The following FAM227B variants were observed in gnomAD, a reference collection of about 807,000 sequenced individuals.
The protein encoded by FAM227B is family with sequence similarity 227 member B, also known as protein FAM227B.
A neutral mutation model predicts 73.8 loss-of-function variants in FAM227B; 88 were observed. That is an observed-to-expected ratio of 1.19 (90% confidence interval 1.00 to 1.42). The LOEUF is 1.42. Among genes scored for constraint, FAM227B ranks in the 40% most tolerant of loss-of-function variants. The probability of loss-of-function intolerance (pLI) is 0.00; values close to 1 mark genes in which losing one functional copy is unlikely to be tolerated. For missense variants in FAM227B, 632 were observed against 590.9 expected, an observed-to-expected ratio of 1.07 and a Z score of -0.72; for synonymous variants, 210 against 190.5, an observed-to-expected ratio of 1.10 and a Z score of -0.84.
At chr15:49,341,295 C>T (rs1351691219) in intron 13 of FAM227B, among the ~76,000 whole-genome samples, 1 of 152,080 alleles carries the variant, frequency 6.6e-6, no homozygotes, top group Admixed American at 6.5e-5. Flanking sequence ...TGAAAAATTA[C>T]ATTGGTAATT....
intron 9 of FAM227B, among the ~76,000 whole-genome samples, chr15:49,567,408 C>T (rs2152348668): frequency 6.6e-6 from 1 of 152,136 alleles, no homozygotes; most frequent in South Asian, 2.1e-4. Flanking sequence ...GGACATGAAG[C>T]CAAGTATCCT....
intron 11 of FAM227B, among the ~76,000 whole-genome samples, chr15:49,503,092 A>G (rs903596777): frequency 6.6e-6 from 1 of 152,236 alleles, no homozygotes; most frequent in African/African-American, 2.4e-5. Context: ...GATCAATGGA[A>G]CAGAACAGAG....
At chr15:49,372,325 A>C (rs1311356800) in intron 11 of FAM227B, among the ~76,000 whole-genome samples, 1 of 152,166 alleles carries the variant, frequency 6.6e-6, no homozygotes, top group Non-Finnish European at 1.5e-5. Context: ...CTCGCAAACC[A>C]TTCAGTGAGC....
At chr15:49,577,554 T>C in intron 6 of FAM227B, 75 bp downstream of exon 6, 2 of 889,392 alleles carry the variant, frequency 2.2e-6, no homozygotes, top group Non-Finnish European at 3.5e-6. Context: ...GCCTTGTTTA[T>C]ATTGTTGTAA....
chr15:49,593,348 ATT>A (rs1433728487), intron 3 of FAM227B, among the ~76,000 whole-genome samples: 3 of 151,960 alleles, frequency 2.0e-5, no homozygotes, highest in African/African-American at 4.8e-5. Context: ...TTTCATCAAT[ATT>A]TTACAGTTTT....
intron 10 of FAM227B, among the ~76,000 whole-genome samples, chr15:49,539,799 G>C (rs1348147450): frequency 6.6e-6 from 1 of 152,198 alleles, no homozygotes; most frequent in African/African-American, 2.4e-5. Flanking sequence ...GGTGTTTATG[G>C]AGTGGCTGTA....
intron 9 of FAM227B, among the ~76,000 whole-genome samples, chr15:49,565,715 A>G (rs1388439557): frequency 6.6e-6 from 1 of 152,204 alleles, no homozygotes; most frequent in African/African-American, 2.4e-5. Context: ...GCAAAAGCAT[A>G]TTGCAAATGT....
intron 11 of FAM227B, among the ~76,000 whole-genome samples, chr15:49,468,823 AGGTTTGTCTTCC>A (rs1422190957): frequency 4.6e-5 from 7 of 152,170 alleles, no homozygotes; most frequent in African/African-American, 1.7e-4. Flanking sequence ...CTGACAAAAG[AGGTTTGTCTTCC>A]GTGTTAAGCA....
At chr15:49,386,744 T>C (rs990351090) in intron 11 of FAM227B, among the ~76,000 whole-genome samples, 11 of 151,766 alleles carry the variant, frequency 7.2e-5, no homozygotes, top group Admixed American at 1.3e-4. Context: ...ACAAAACTGA[T>C]AGACCATTAG....
Position 49,329,334 on chromosome 15 carries a change from A to C in FAM227B, c.1420-659T>G, listed in dbSNP as rs116742387. 1,095 of 985,412 alleles carry C rather than the reference A, an allele frequency of 1.1e-3. 14 individuals carry two copies. The African/African-American group carries it at 0.018, about 16-fold the overall frequency. 61.0% of individuals were successfully genotyped at this position (985,412 alleles called of 1,614,324 possible). A position where few individuals can be genotyped will look rare whatever the true frequency, so the allele number is the denominator to read the frequency against. On this transcript the variant is annotated intron_variant, in intron 15 of 15. Transcript: ENST00000299338. ...ATAGGAAGCACTTTCTGAATTATGT[A>C]ATGATTTGGACCAAAAAGTATTTTG...
intron 11 of FAM227B, among the ~76,000 whole-genome samples, chr15:49,460,972 G>A (rs2053740254): frequency 6.6e-6 from 1 of 152,146 alleles, no homozygotes; most frequent in Non-Finnish European, 1.5e-5. Context: ...TTGATAGCTG[G>A]CATCCATGTA....
intron 11 of FAM227B, among the ~76,000 whole-genome samples, chr15:49,379,083 A>T (rs1187684456): frequency 6.6e-6 from 1 of 152,164 alleles, no homozygotes; most frequent in African/African-American, 2.4e-5. Context: ...TTTTGTTGAT[A>T]TGATGTATTA....
intron 11 of FAM227B, among the ~76,000 whole-genome samples, chr15:49,478,406 A>G (rs2055567354): frequency 6.6e-6 from 1 of 151,704 alleles, no homozygotes; most frequent in African/African-American, 2.4e-5. Context: ...TTTTTTGCAT[A>G]TATGTATATG....
At chr15:49,453,862 T>C (rs1006887803) in intron 11 of FAM227B, among the ~76,000 whole-genome samples, 9 of 152,186 alleles carry the variant, frequency 5.9e-5, no homozygotes, top group Non-Finnish European at 4.4e-5. Flanking sequence ...TTATACATTT[T>C]ACATAAGAGT....
At chr15:49,449,069 T>C (rs191486216) in intron 11 of FAM227B, among the ~76,000 whole-genome samples, 228 of 151,068 alleles carry the variant, frequency 1.5e-3, no homozygotes, top group African/African-American at 5.2e-3. Context: ...TTTTTGGCTA[T>C]TTCAAATGCT....
At chr15:49,572,526 A>T (rs536186225) in intron 8 of FAM227B, among the ~76,000 whole-genome samples, 1 of 152,190 alleles carries the variant, frequency 6.6e-6, no homozygotes, top group South Asian at 2.1e-4. Flanking sequence ...GAACAATGGG[A>T]ACTCAATATA....
At chr15:49,614,376 C>T (rs2078151847) in intron 2 of FAM227B, among the ~76,000 whole-genome samples, 2 of 152,082 alleles carry the variant, frequency 1.3e-5, no homozygotes, top group African/African-American at 2.4e-5. Flanking sequence ...TGCCAGGAGG[C>T]AGGACCAGTT....
intron 11 of FAM227B, among the ~76,000 whole-genome samples, chr15:49,499,809 G>T (rs1161679894): frequency 6.6e-6 from 1 of 152,144 alleles, no homozygotes; most frequent in African/African-American, 2.4e-5. Flanking sequence ...AATATGCAAA[G>T]AAGTGATTCT....
chr15:49,350,970 G>A (rs570172220), intron 13 of FAM227B, among the ~76,000 whole-genome samples: 2 of 152,294 alleles, frequency 1.3e-5, no homozygotes, highest in Admixed American at 1.3e-4. Flanking sequence ...AGGCCACCAT[G>A]TACCACTGAG....
Sources: allele counts gnomAD v4.1 joint callset (sites outside exome capture counted in the v4.1 genomes callset), GRCh38; gene constraint gnomAD v4.1.1; transcripts MANE v1.5; gene names NCBI Gene and HGNC (gene_info 2026-07-23, HGNC 2026-07-21).